Variants in NNT observed in about 807,000 individuals in gnomAD.
The protein encoded by NNT is nicotinamide nucleotide transhydrogenase.
In NNT, 50 loss-of-function variants were observed where a neutral mutation model predicts 104.8. The ratio of observed to expected loss-of-function variants is 0.48; its 90% CI spans 0.38 to 0.60. The LOEUF (loss-of-function observed/expected upper bound fraction) is 0.60, where lower values mean the gene tolerates loss of function less well. Ranked by LOEUF, NNT falls within the 20% of genes least tolerant of loss-of-function variation. The pLI, the probability that NNT is intolerant of heterozygous loss-of-function variation, is 0.00. For missense variants in NNT, 1,131 were observed against 1,330.7 expected (o/e 0.85, Z 2.33); for synonymous variants, 461 against 490.4 (o/e 0.94, Z 0.79).
Position 43,656,776 on chromosome 5 carries a change from C to A in NNT, c.2417C>A (p.Thr806Asn). The change falls in exon 16 of 22, where the codon ACC becomes AAC. Residue 806 changes from threonine to asparagine, a missense_variant. By Grantham distance (65) the Thr-to-Asn change is moderately conservative. Transcript: ENST00000344920. ...GACCCAAGCTTTACTACTGGCATCA[C>A]CTGTCTGGGTTCAGTGTCTGCTCTC... ...MVDPSFTTGITCLGSVSALSA... is the reference protein window; with the variant it reads ...MVDPSFTTGINCLGSVSALSA... 1 of 1,614,048 alleles carries A rather than the reference C, an allele frequency of 6.2e-7. No individual in the cohort carries two copies. The highest frequency in any genetic ancestry group is 8.5e-7 in the Non-Finnish European group (1 of 1,179,994).
intron 7 of NNT, among the ~76,000 whole-genome samples, chr5:43,641,489 A>C (rs906925592): frequency 6.6e-6 from 1 of 152,042 alleles, no homozygotes; most frequent in African/African-American, 2.4e-5. Context: ...TAGTCTCACC[A>C]CTCAAATATA....
chr5:43,657,716 T>G (rs905836682), intron 16 of NNT, among the ~76,000 whole-genome samples: 4 of 152,226 alleles, frequency 2.6e-5, no homozygotes, highest in African/African-American at 7.2e-5. Context: ...ATCTTTATAT[T>G]CACACTCATG....
At chr5:43,656,573 G>T (rs1740059148) in intron 15 of NNT, 80 bp from the exon 16 acceptor site, 1 of 1,308,692 alleles carries the variant, frequency 7.6e-7, no homozygotes, top group Admixed American at 2.3e-5. Context: ...AGAGATGACT[G>T]TGTAGAATTC....
Position 43,671,373 on chromosome 5 carries a change from T to C in NNT, c.2635-4138T>C, listed in dbSNP as rs531280364. Among the ~76,000 whole-genome samples the C allele has an allele frequency of 3.9e-5, 6 of 152,362 alleles. No individual in the cohort carries two copies. In the East Asian group the frequency reaches 1.2e-3, roughly 29 times the overall value. ...CTCGTTAGTTGATGCAGTTTCTTCC[T>C]AGCCTCGATGGTCTTTACAATTTGG... On this transcript the variant is annotated intron_variant, in intron 17 of 21. Coordinates refer to ENST00000344920, the MANE Select transcript of NNT (RefSeq NM_182977.3).
chr5:43,648,620 A>G (rs560379378), intron 10 of NNT, among the ~76,000 whole-genome samples: 1 of 152,264 alleles, frequency 6.6e-6, no homozygotes, highest in East Asian at 1.9e-4. Context: ...GGTGGAAGCC[A>G]TATGTTTTGG....
At chr5:43,606,972 T>G (rs78265581) in intron 1 of NNT, among the ~76,000 whole-genome samples, 3 of 141,696 alleles carry the variant, frequency 2.1e-5, no homozygotes, top group East Asian at 1.9e-4. Context: ...TGGCAGCAGG[T>G]TTTTTTTGTT....
chr5:43,621,157 A>G (rs1293556281), intron 5 of NNT, among the ~76,000 whole-genome samples: 1 of 152,258 alleles, frequency 6.6e-6, no homozygotes, highest in Non-Finnish European at 1.5e-5. Flanking sequence ...AAGTTTGTTC[A>G]AGCCGCAGCC....
chr5:43,681,881 G>C (rs1483420401), intron 19 of NNT, among the ~76,000 whole-genome samples: 2 of 152,172 alleles, frequency 1.3e-5, no homozygotes, highest in African/African-American at 4.8e-5. Context: ...ATCAATCAAT[G>C]AATGAATTCC....
At chr5:43,608,545 G>A (rs1454192871) in intron 1 of NNT, among the ~76,000 whole-genome samples, 2 of 152,154 alleles carry the variant, frequency 1.3e-5, no homozygotes, top group African/African-American at 2.4e-5. Context: ...TGTCATGCAT[G>A]TTTAATTTTC....
chr5:43,683,056 C>T (rs1741804664), intron 19 of NNT, among the ~76,000 whole-genome samples: 1 of 152,184 alleles, frequency 6.6e-6, no homozygotes, highest in Non-Finnish European at 1.5e-5. Context: ...CACTATTTGG[C>T]CTTGAATTAG....
intron 5 of NNT, among the ~76,000 whole-genome samples, chr5:43,622,864 G>GTT (rs1750167956): frequency 1.3e-5 from 2 of 148,538 alleles, no homozygotes; most frequent in African/African-American, 4.9e-5. Context: ...TTTAAATTAT[G>GTT]GTTTTTTTTT....
intron 5 of NNT, among the ~76,000 whole-genome samples, chr5:43,623,083 A>G (rs1305142178): frequency 6.6e-6 from 1 of 151,936 alleles, no homozygotes; most frequent in Non-Finnish European, 1.5e-5. Context: ...CCTGTCCCCA[A>G]ACACAGCACC....
intron 4 of NNT, 127 bp from the exon 5 acceptor site, chr5:43,618,905 G>C: frequency 4.2e-6 from 2 of 470,950 alleles, no homozygotes; most frequent in East Asian, 3.6e-5. Flanking sequence ...TTGACACATA[G>C]TACATACTAC....
chr5:43,631,008 C>A (rs1750645744), intron 7 of NNT, among the ~76,000 whole-genome samples: 1 of 152,160 alleles, frequency 6.6e-6, no homozygotes, highest in Non-Finnish European at 1.5e-5. Context: ...AACCCAAGGA[C>A]AAAGAATTGA....
At chr5:43,681,690 G>A (rs1741728303) in intron 19 of NNT, among the ~76,000 whole-genome samples, 2 of 151,970 alleles carry the variant, frequency 1.3e-5, no homozygotes, top group South Asian at 2.1e-4. Context: ...GTGAGCCACC[G>A]CACCCGGCCT....
chr5:43,666,118 C>A (rs895359607), intron 17 of NNT, among the ~76,000 whole-genome samples: 29 of 149,562 alleles, frequency 1.9e-4, no homozygotes, highest in African/African-American at 7.2e-4. Context: ...ACTGGGCGGC[C>A]GGGCAGAGGG....
At chr5:43,614,318 C>T (rs1178254191) in intron 3 of NNT, among the ~76,000 whole-genome samples, 1 of 152,150 alleles carries the variant, frequency 6.6e-6, no homozygotes, top group Non-Finnish European at 1.5e-5. Flanking sequence ...CATTAACAAA[C>T]TTCTTGATCT....
At position 43,618,477 on chromosome 5, in the gene NNT, T is replaced by C. The variant is rs185773324; in HGVS notation, c.600-555T>C. ...TGAAATCTTATTTTGTACAAGCCTA[T>C]GGCTGACCTAATTTTTTTTATTTTA... On this transcript the variant is annotated intron_variant, in intron 4 of 21. Coordinates refer to ENST00000344920, the MANE Select transcript of NNT (RefSeq NM_182977.3). Among the ~76,000 whole-genome samples the C allele has an allele frequency of 1.4e-4, 21 of 152,334 alleles. No individual in the cohort carries two copies. In the East Asian group the frequency reaches 2.9e-3, roughly 21 times the overall value.
At chr5:43,684,652 C>T (rs1741891203) in intron 19 of NNT, among the ~76,000 whole-genome samples, 1 of 151,806 alleles carries the variant, frequency 6.6e-6, no homozygotes, top group African/African-American at 2.4e-5. Context: ...GATAATTTAT[C>T]TAACAGGAAC....
Sources: allele counts gnomAD v4.1 joint callset (sites outside exome capture counted in the v4.1 genomes callset), GRCh38; gene constraint gnomAD v4.1.1; transcripts MANE v1.5; gene names NCBI Gene and HGNC (gene_info 2026-07-23, HGNC 2026-07-21).